GALNT7: variants seen among roughly 807,000 people sequenced by gnomAD.
GALNT7 encodes polypeptide N-acetylgalactosaminyltransferase 7, also known as N-acetylgalactosaminyltransferase 7.
GALNT7 carries 60 observed loss-of-function variants against 82.1 expected under a neutral mutation model. That is an observed-to-expected ratio of 0.73 (90% CI 0.59 to 0.91). GALNT7 has a LOEUF of 0.91. Among genes scored for constraint, GALNT7 ranks in the 40% least tolerant of loss-of-function variants. GALNT7 has a pLI of 0.00. For missense variants in GALNT7, 660 were observed against 804.2 expected, an observed-to-expected ratio of 0.82 and a Z score of 2.17; for synonymous variants, 243 against 275.1, an observed-to-expected ratio of 0.88 and a Z score of 1.15.
intron 2 of GALNT7, among the ~76,000 whole-genome samples, chr4:173,288,321 A>G (rs1205943180): frequency 6.6e-6 from 1 of 150,686 alleles, no homozygotes; most frequent in East Asian, 1.9e-4. Flanking sequence ...GAACATATGA[A>G]TTGAATGGCT....
intron 1 of GALNT7, among the ~76,000 whole-genome samples, chr4:173,247,424 A>T (rs1734683261): frequency 6.6e-6 from 1 of 151,390 alleles, no homozygotes; most frequent in Non-Finnish European, 1.5e-5. Context: ...CTGATTTCAG[A>T]TAAACTCTCA....
In GALNT7 at chr4:173,168,905, C is replaced by A. The variant is rs766916179; in HGVS notation, c.70C>A (p.Leu24Ile). 54 of 1,613,636 alleles carry A rather than the reference C, an allele frequency of 3.3e-5. No individual in the cohort carries two copies. In the East Asian group the frequency reaches 1.2e-3, roughly 36 times the overall value. The change falls in exon 1 of 12, where the codon CTC (leucine) becomes ATC (isoleucine). Residue 24 changes from leucine (L) to isoleucine (I), a missense_variant. Coordinates refer to ENST00000265000, the MANE Select transcript of GALNT7 (RefSeq NM_017423.3). ...VVGSFLGLVV[L>I]WSSLTPRPDD... ...GGGAAGCTTCCTGGGGCTAGTGGTC[C>A]TCTGGTCTTCCCTGACCCCGCGGCC... is the stretch of plus-strand genomic sequence containing the variant.
rs869162691 is a variant in GALNT7 at position 173,240,357 on chromosome 4, A to ATT, written c.127-7595_127-7594dup. On this transcript the variant is annotated intron_variant, in intron 1 of 11. Transcript: ENST00000265000. ...GGCAATGGAAAGTGGACACTGGCTA[A>ATT]TTTTTTTTTTTTTTTTTTTTTTTTT... 1.6e-3 allele frequency among the ~76,000 whole-genome samples: 162 copies of ATT among 104,136 alleles called. 3 individuals carry two copies. The highest frequency in any genetic ancestry group is 5.7e-3 in the Middle Eastern group (1 of 176). The allele number at this position is 104,136 out of a possible 152,430, so 68.3% of individuals were successfully genotyped here.
At chr4:173,261,223 C>T (rs1364497247) in intron 2 of GALNT7, among the ~76,000 whole-genome samples, 1 of 152,150 alleles carries the variant, frequency 6.6e-6, no homozygotes, top group South Asian at 2.1e-4. Context: ...AGGACGCCAT[C>T]CTATCACAGG....
chr4:173,244,460 G>A (rs1035056176), intron 1 of GALNT7, among the ~76,000 whole-genome samples: 3 of 152,188 alleles, frequency 2.0e-5, no homozygotes, highest in African/African-American at 4.8e-5. Flanking sequence ...GTGTCAGGGC[G>A]AGAAGCACTA....
intron 1 of GALNT7, among the ~76,000 whole-genome samples, chr4:173,178,552 C>T (rs1003620016): frequency 6.6e-6 from 1 of 152,156 alleles, no homozygotes; most frequent in African/African-American, 2.4e-5. Context: ...CTCATTTCTG[C>T]ACCATTATAA....
chr4:173,243,144 A>T (rs966803929), intron 1 of GALNT7, among the ~76,000 whole-genome samples: 2 of 152,198 alleles, frequency 1.3e-5, no homozygotes, highest in African/African-American at 4.8e-5. Flanking sequence ...AAACAAGCCT[A>T]TGTTACTGTC....
At chr4:173,278,132 G>T (rs1220102842) in intron 2 of GALNT7, among the ~76,000 whole-genome samples, 1 of 152,194 alleles carries the variant, frequency 6.6e-6, no homozygotes, top group Non-Finnish European at 1.5e-5. Context: ...TATTTAAAAA[G>T]TAGCCATCAC....
At chr4:173,228,614 T>A (rs1217396630) in intron 1 of GALNT7, among the ~76,000 whole-genome samples, 1 of 152,092 alleles carries the variant, frequency 6.6e-6, no homozygotes, top group East Asian at 1.9e-4. Flanking sequence ...TATTCACAGG[T>A]CTGAAATTTT....
chr4:173,216,707 A>ATATG (rs1491522691), intron 1 of GALNT7, among the ~76,000 whole-genome samples: 2 of 13,966 alleles, frequency 1.4e-4, no homozygotes, highest in African/African-American at 2.0e-4. Context: ...TGTACTATTC[A>ATATG]TATATATATA....
chr4:173,243,241 T>A (rs1361862277), intron 1 of GALNT7, among the ~76,000 whole-genome samples: 2 of 152,182 alleles, frequency 1.3e-5, no homozygotes, highest in African/African-American at 4.8e-5. Flanking sequence ...ATATTACATA[T>A]AAGCAGGATT....
intron 1 of GALNT7, among the ~76,000 whole-genome samples, chr4:173,234,088 G>T (rs995874118): frequency 1.3e-5 from 2 of 152,086 alleles, no homozygotes; most frequent in African/African-American, 4.8e-5. Flanking sequence ...TCCTCATCTT[G>T]CTTGGCTTCT....
At chr4:173,216,514 G>A (rs968923394) in intron 1 of GALNT7, among the ~76,000 whole-genome samples, 3 of 151,392 alleles carry the variant, frequency 2.0e-5, no homozygotes, top group Non-Finnish European at 4.4e-5. Flanking sequence ...AAAAACTATG[G>A]TTGTCAGGAG....
intron 2 of GALNT7, among the ~76,000 whole-genome samples, chr4:173,252,428 G>T (rs187177381): frequency 1.5e-4 from 23 of 152,306 alleles, no homozygotes; most frequent in Non-Finnish European, 3.1e-4. Context: ...TGACACTGTG[G>T]TTAGCTTGTT....
chr4:173,229,783 G>A (rs1013732185), intron 1 of GALNT7, among the ~76,000 whole-genome samples: 2 of 152,094 alleles, frequency 1.3e-5, no homozygotes, highest in African/African-American at 2.4e-5. Context: ...CGTAGTCTTT[G>A]TAGTCGTCTT....
chr4:173,170,750 C>T (rs528563749), intron 1 of GALNT7, among the ~76,000 whole-genome samples: 1 of 152,208 alleles, frequency 6.6e-6, no homozygotes, highest in East Asian at 1.9e-4. Flanking sequence ...ATGTTTAACC[C>T]CCTATTTTCT....
In GALNT7 at chr4:173,313,618, A is replaced by G. The variant is rs927295644; in HGVS notation, c.1390-340A>G. On this transcript the variant is annotated intron_variant, in intron 8 of 11. Coordinates refer to ENST00000265000, the MANE Select transcript of GALNT7 (RefSeq NM_017423.3). ...AAAAGAAAGAGATTATTATAGGGAA[A>G]GAAGTACAGTGTCCAGCCAAGCTCT... Among the ~76,000 whole-genome samples, 6 of 151,694 alleles carry G rather than the reference A, an allele frequency of 4.0e-5. No homozygotes were observed. The East Asian group carries it at 7.7e-4, about 20-fold the overall frequency.
chr4:173,245,107 C>G (rs1018168190), intron 1 of GALNT7, among the ~76,000 whole-genome samples: 4 of 151,102 alleles, frequency 2.6e-5, no homozygotes, highest in Admixed American at 2.0e-4. Context: ...GGTCACTGAG[C>G]TTGGAAGAGA....
intron 2 of GALNT7, among the ~76,000 whole-genome samples, chr4:173,266,468 C>T (rs1307603894): frequency 1.3e-5 from 2 of 152,006 alleles, no homozygotes; most frequent in Non-Finnish European, 2.9e-5. Context: ...CAAAAGAGCA[C>T]GAAAGTGTGT....
Sources: gnomAD v4.1 joint callset for allele counts (sites outside exome capture counted in the v4.1 genomes callset) on GRCh38, gnomAD v4.1.1 for gene constraint, MANE v1.5 for transcripts, NCBI Gene and HGNC (gene_info 2026-07-23, HGNC 2026-07-21) for gene names.